The following SLC2A13 variants were observed in gnomAD, a reference collection of about 807,000 sequenced individuals.
SLC2A13 encodes solute carrier family 2 member 13, also known as proton myo-inositol cotransporter.
Under a neutral mutation model 64.4 loss-of-function variants are expected in SLC2A13, and 32 were observed. The ratio of observed to expected loss-of-function variants is 0.50; its 90% CI spans 0.37 to 0.67. SLC2A13 has a LOEUF of 0.67. Among genes scored for constraint, SLC2A13 ranks in the 30% least tolerant of loss-of-function variants. SLC2A13 has a pLI of 0.00. For missense variants in SLC2A13, 743 were observed against 829.2 expected (o/e 0.90, Z 1.28); for synonymous variants, 338 against 327.1 (o/e 1.03, Z -0.36).
At chr12:40,077,255 G>A (rs749788796) in intron 1 of SLC2A13, among the ~76,000 whole-genome samples, 13 of 152,040 alleles carry the variant, frequency 8.6e-5, no homozygotes, top group East Asian at 1.9e-4. Flanking sequence ...GTATTTCCTA[G>A]GCTTCCTTCT....
chr12:39,958,449 G>T (rs1404279441), intron 3 of SLC2A13, among the ~76,000 whole-genome samples: 1 of 152,172 alleles, frequency 6.6e-6, no homozygotes, highest in Non-Finnish European at 1.5e-5. Flanking sequence ...GAGGATTAGA[G>T]ATAATAAGGT....
At chr12:39,892,993 A>G (rs1223900695) in intron 4 of SLC2A13, among the ~76,000 whole-genome samples, 1 of 152,168 alleles carries the variant, frequency 6.6e-6, no homozygotes. Context: ...AAATTTTTTG[A>G]TGTTACAATT....
At chr12:39,854,259 A>G (rs11173920) in intron 6 of SLC2A13, among the ~76,000 whole-genome samples, 12,722 of 152,194 alleles carry the variant, frequency 0.084, 707 homozygotes, top group Non-Finnish European at 0.1. Flanking sequence ...TAATAATAAT[A>G]ACAGTATCTT....
chr12:39,845,950 C>T (rs923540053), intron 6 of SLC2A13, among the ~76,000 whole-genome samples: 1 of 152,060 alleles, frequency 6.6e-6, no homozygotes, highest in Admixed American at 6.6e-5. Flanking sequence ...AAATGGACTT[C>T]ATTTTCTCAT....
In SLC2A13 at chr12:39,864,766, A is replaced by G. The variant is rs1943859398; in HGVS notation, c.1315T>C (p.Tyr439His). Residue 439 changes from tyrosine to histidine, a missense_variant, in exon 6 of 10, where the codon TAC (tyrosine) becomes CAC (histidine). This residue lies in a region of SLC2A13 where 295 missense variants were observed against 381.7 expected (regional missense o/e 0.77). Transcript: ENST00000280871. ...AAGAACATAATGGAATCTCACCTGT[A>G]TCTTGTGCAAGTGGCGTTCTGACCT... is the stretch of plus-strand genomic sequence containing the variant. ...PSGQNATCTR[Y>H]SYCNECMLDP... is the part of the protein sequence containing the mutation. The G allele has an allele frequency of 6.2e-7, 1 of 1,613,866 alleles. No individual in the cohort carries two copies. Among genetic ancestry groups the G allele is most frequent in the South Asian group, 1.1e-5 (1 of 91,066 alleles).
At chr12:40,069,582 G>A (rs1937873908) in intron 1 of SLC2A13, among the ~76,000 whole-genome samples, 1 of 151,648 alleles carries the variant, frequency 6.6e-6, no homozygotes, top group South Asian at 2.1e-4. Context: ...AGCATCTACA[G>A]ATGCTATCTT....
intron 1 of SLC2A13, among the ~76,000 whole-genome samples, chr12:40,063,266 C>T (rs570929914): frequency 1.3e-5 from 2 of 152,046 alleles, no homozygotes; most frequent in South Asian, 4.2e-4. Context: ...GTGACATTTC[C>T]GTTTTGAAGA....
At chr12:39,856,135 A>G (rs531478449) in intron 6 of SLC2A13, among the ~76,000 whole-genome samples, 16 of 152,302 alleles carry the variant, frequency 1.1e-4, no homozygotes, top group African/African-American at 3.8e-4. Context: ...ATTTTGCCAC[A>G]TATACCTAAG....
chr12:40,092,553 A>C (rs1316634103), intron 1 of SLC2A13, among the ~76,000 whole-genome samples: 1 of 152,184 alleles, frequency 6.6e-6, no homozygotes, highest in Non-Finnish European at 1.5e-5. Flanking sequence ...TTTGTCCCCT[A>C]AATTTATAAT....
rs565453124 is a variant in SLC2A13, at chr12:39,758,548, A to G, written c.*1478T>C. 6.6e-5 allele frequency: 10 copies of G among 152,120 alleles called. No homozygotes were observed. In the East Asian group the frequency reaches 1.5e-3, roughly 23 times the overall value. The allele number at this position is 152,120 out of a possible 1,614,324, so 9.4% of individuals were successfully genotyped here. On this transcript the variant is annotated 3_prime_UTR_variant, in exon 10 of 10. Coordinates refer to ENST00000280871, the MANE Select transcript of SLC2A13 (RefSeq NM_052885.4). ...GGAACTAGCAAGTAATTTTGTGATC[A>G]AGTAATTTTGTACATACTATATAGT...
chr12:39,906,586 G>T (rs1351418648), intron 4 of SLC2A13, among the ~76,000 whole-genome samples: 1 of 152,090 alleles, frequency 6.6e-6, no homozygotes, highest in Non-Finnish European at 1.5e-5. Flanking sequence ...TTCTGTGAAA[G>T]TTAAACCTAG....
chr12:40,068,956 TAAG>T (rs1205028457), intron 1 of SLC2A13, among the ~76,000 whole-genome samples: 1 of 151,986 alleles, frequency 6.6e-6, no homozygotes, highest in Non-Finnish European at 1.5e-5. Flanking sequence ...TGTCTTCTTG[TAAG>T]AAATGTGGCC....
intron 1 of SLC2A13, among the ~76,000 whole-genome samples, chr12:40,076,799 C>T (rs1245125354): frequency 6.6e-6 from 1 of 152,076 alleles, no homozygotes; most frequent in Non-Finnish European, 1.5e-5. Context: ...TCTCCACAGC[C>T]TCTCCAGCAT....
At chr12:39,766,912 C>A (rs1276605863) in intron 7 of SLC2A13, among the ~76,000 whole-genome samples, 2 of 152,082 alleles carry the variant, frequency 1.3e-5, no homozygotes, top group Non-Finnish European at 2.9e-5. Context: ...AAGTTACTTT[C>A]TCCCCTAAAG....
At chr12:39,763,970 A>T (rs1428838771) in intron 9 of SLC2A13, among the ~76,000 whole-genome samples, 1 of 152,092 alleles carries the variant, frequency 6.6e-6, no homozygotes, top group Non-Finnish European at 1.5e-5. Context: ...CACAGGTGAT[A>T]CAGTGGAAGG....
At chr12:40,086,231 T>C (rs759316767) in intron 1 of SLC2A13, among the ~76,000 whole-genome samples, 160 of 152,194 alleles carry the variant, frequency 1.1e-3, no homozygotes, top group Non-Finnish European at 1.9e-3. Flanking sequence ...CACGGATGCA[T>C]TGGCAATCAG....
At chr12:39,804,438 T>G (rs1941901699) in intron 7 of SLC2A13, among the ~76,000 whole-genome samples, 1 of 152,208 alleles carries the variant, frequency 6.6e-6, no homozygotes, top group African/African-American at 2.4e-5. Flanking sequence ...GAGTTTAACA[T>G]TCATTACCAG....
chr12:39,801,498 T>G (rs1007192071), intron 7 of SLC2A13, among the ~76,000 whole-genome samples: 1 of 152,178 alleles, frequency 6.6e-6, no homozygotes, highest in African/African-American at 2.4e-5. Context: ...CTAATTTCTC[T>G]TGGCACAGAA....
chr12:39,958,341 G>T (rs1401926800), intron 3 of SLC2A13, among the ~76,000 whole-genome samples: 1 of 152,184 alleles, frequency 6.6e-6, no homozygotes, highest in Non-Finnish European at 1.5e-5. Context: ...ACACAGACCA[G>T]TGTTAACATA....
Sources: gnomAD v4.1 joint callset for allele counts (sites outside exome capture counted in the v4.1 genomes callset) on GRCh38, gnomAD v4.1.1 for gene constraint, gnomAD v4.1.1 regional missense constraint, MANE v1.5 for transcripts, NCBI Gene and HGNC (gene_info 2026-07-23, HGNC 2026-07-21) for gene names.